The following AGK variants were observed in gnomAD, a reference collection of about 807,000 sequenced individuals.
AGK encodes acylglycerol kinase, mitochondrial.
AGK carries 52 observed loss-of-function variants against 66.4 expected under a neutral mutation model. That is an observed-to-expected ratio of 0.78 (90% CI 0.63 to 0.99). The LOEUF is 0.99. Among genes scored for constraint, AGK ranks in the 50% least tolerant of loss-of-function variants. The probability of loss-of-function intolerance (pLI) is 0.00; values close to 1 mark genes in which losing one functional copy is unlikely to be tolerated. For synonymous variants in AGK, 182 were observed against 181.1 expected, an observed-to-expected ratio of 1.00 and a Z score of -0.04; for missense variants, 451 against 506.6, an observed-to-expected ratio of 0.89 and a Z score of 1.05.
At chr7:141,614,732 AGAG>A (rs1343622198) in intron 7 of AGK, among the ~76,000 whole-genome samples, 2 of 152,178 alleles carry the variant, frequency 1.3e-5, no homozygotes, top group Admixed American at 1.3e-4. Flanking sequence ...GGGAAGGGAG[AGAG>A]GAGAATAGTT....
intron 2 of AGK, among the ~76,000 whole-genome samples, chr7:141,570,940 G>A (rs1795592963): frequency 1.3e-5 from 2 of 152,048 alleles, no homozygotes; most frequent in African/African-American, 2.4e-5. Context: ...ACATGTTTTA[G>A]AAACTAGGTC....
At chr7:141,612,557 A>T (rs78089223) in intron 6 of AGK, among the ~76,000 whole-genome samples, 2 of 152,160 alleles carry the variant, frequency 1.3e-5, no homozygotes, top group Non-Finnish European at 2.9e-5. Context: ...TAAGGTGTCA[A>T]TGTAGGTCCA....
chr7:141,584,074 C>T (rs1795943095), intron 2 of AGK, among the ~76,000 whole-genome samples: 1 of 152,072 alleles, frequency 6.6e-6, no homozygotes, highest in Non-Finnish European at 1.5e-5. Flanking sequence ...GACCACCAAA[C>T]AGGCTTTGTG....
intron 5 of AGK, among the ~76,000 whole-genome samples, chr7:141,601,609 A>G (rs1796342008): frequency 6.6e-6 from 1 of 152,206 alleles, no homozygotes; most frequent in African/African-American, 2.4e-5. Context: ...TGAGTAATTA[A>G]TTTAATTTCT....
intron 2 of AGK, among the ~76,000 whole-genome samples, chr7:141,566,297 C>G (rs1795466466): frequency 6.6e-6 from 1 of 152,182 alleles, no homozygotes. Context: ...TTTGTTTCTT[C>G]TGTTATAAGA....
At chr7:141,639,275 C>G (rs9690973) in intron 11 of AGK, among the ~76,000 whole-genome samples, 147,973 of 152,324 alleles carry the variant, frequency 0.97, 71,890 homozygotes, top group East Asian at 1. Flanking sequence ...AGCAAGGACA[C>G]GCTACTCCTT....
intron 2 of AGK, among the ~76,000 whole-genome samples, chr7:141,556,221 T>C (rs1254469254): frequency 6.6e-6 from 1 of 152,104 alleles, no homozygotes; most frequent in African/African-American, 2.4e-5. Context: ...AGATATGTAT[T>C]TATGTCAGTG....
chr7:141,601,878 A>T (rs903101543), intron 5 of AGK, among the ~76,000 whole-genome samples: 7 of 152,134 alleles, frequency 4.6e-5, no homozygotes, highest in Non-Finnish European at 1.0e-4. Context: ...CTGTTGACCA[A>T]TTTCTAATAT....
At chr7:141,615,855 G>GT (rs1211828741) in intron 8 of AGK, 4 of 310,546 alleles carry the variant, frequency 1.3e-5, no homozygotes, top group Admixed American at 9.6e-5. Flanking sequence ...CTTGTACATT[G>GT]TAAGATTCTT....
chr7:141,572,899 A>G (rs1203165759), intron 2 of AGK, among the ~76,000 whole-genome samples: 2 of 152,158 alleles, frequency 1.3e-5, no homozygotes, highest in African/African-American at 4.8e-5. Context: ...TATGGTTTCA[A>G]TAATGGTTTG....
intron 2 of AGK, among the ~76,000 whole-genome samples, chr7:141,577,893 A>C: frequency 6.9e-6 from 1 of 145,530 alleles, no homozygotes. Context: ...ATCTCTGCTC[A>C]CTGCAACCTC....
chr7:141,651,884 A>G (rs1179987101), intron 15 of AGK, among the ~76,000 whole-genome samples: 6 of 152,118 alleles, frequency 3.9e-5, no homozygotes, highest in Admixed American at 3.9e-4. Flanking sequence ...GTCTCCTTTT[A>G]TTTTTCCATA....
intron 2 of AGK, among the ~76,000 whole-genome samples, chr7:141,558,174 T>C (rs766372959): frequency 2.6e-5 from 4 of 152,188 alleles, no homozygotes; most frequent in South Asian, 4.1e-4. Context: ...TCTTTTTTTT[T>C]TGAGACGGAG....
chr7:141,624,770 A>C (rs972442880), intron 9 of AGK, among the ~76,000 whole-genome samples: 1 of 152,224 alleles, frequency 6.6e-6, no homozygotes, highest in African/African-American at 2.4e-5. Context: ...ATGACAAAAA[A>C]AGGATTTAAA....
chr7:141,586,222 G>A lies in AGK; in HGVS notation c.102-6924G>A, dbSNP rs572805149. On this transcript the variant is annotated intron_variant, in intron 2 of 15. Coordinates refer to ENST00000649286, the MANE Select transcript of AGK (RefSeq NM_018238.4). ...CTCTACACACCCACACACCCTGGGAGCTTCTTGATCTGGTAACGTTTTTGT... is the reference window on the plus strand; with the variant it reads ...CTCTACACACCCACACACCCTGGGAACTTCTTGATCTGGTAACGTTTTTGT... Among the ~76,000 whole-genome samples, 3 of 152,226 alleles carry A rather than the reference G, an allele frequency of 2.0e-5. No individual in the cohort carries two copies. In the South Asian group the frequency reaches 6.2e-4, roughly 32 times the overall value.
At chr7:141,605,752 C>T (rs1587119619) in intron 5 of AGK, among the ~76,000 whole-genome samples, 1 of 152,244 alleles carries the variant, frequency 6.6e-6, no homozygotes, top group Non-Finnish European at 1.5e-5. Flanking sequence ...CATCTAGAAA[C>T]CTGCTCAGTT....
chr7:141,619,046 T>G (rs1796767653), intron 8 of AGK, among the ~76,000 whole-genome samples: 1 of 152,002 alleles, frequency 6.6e-6, no homozygotes, highest in East Asian at 1.9e-4. Context: ...AAGAGAGAAA[T>G]CAAGAAGACC....
chr7:141,628,027 G>A (rs2116986945), intron 9 of AGK, among the ~76,000 whole-genome samples: 1 of 152,212 alleles, frequency 6.6e-6, no homozygotes, highest in East Asian at 1.9e-4. Context: ...GACTACAGGC[G>A]CATGCCACCA....
In AGK at chr7:141,640,236, A is replaced by G. The variant is rs923780063; in HGVS notation, c.727-1012A>G. ...ATCTGATCTCCTAATACTGTGAACA[A>G]AGGTGTCCATTGAAACAGCTCCTTC... On this transcript the variant is annotated intron_variant, in intron 11 of 15. Transcript: ENST00000649286. Among the ~76,000 whole-genome samples the G allele has an allele frequency of 2.6e-5, 4 of 152,302 alleles. No individual in the cohort carries two copies. In the South Asian group the frequency reaches 6.2e-4, roughly 24 times the overall value.
Sources: gnomAD v4.1 joint callset for allele counts (sites outside exome capture counted in the v4.1 genomes callset) on GRCh38, gnomAD v4.1.1 for gene constraint, MANE v1.5 for transcripts, NCBI Gene and HGNC (gene_info 2026-07-23, HGNC 2026-07-21) for gene names.